The following ZNF236 variants were observed in gnomAD, a reference collection of about 807,000 sequenced individuals.
The protein encoded by ZNF236 is zinc finger protein 236.
Under a neutral mutation model 191.2 loss-of-function variants are expected in ZNF236, and 50 were observed. The ratio of observed to expected loss-of-function variants is 0.26; its 90% CI spans 0.21 to 0.33. The LOEUF is 0.33. Among genes scored for constraint, ZNF236 ranks in the 10% least tolerant of loss-of-function variants. ZNF236 has a pLI of 1.00. For missense variants in ZNF236, 1,754 were observed against 2,374.5 expected, an observed-to-expected ratio of 0.74 and a Z score of 5.43; for synonymous variants, 907 against 928.8, an observed-to-expected ratio of 0.98 and a Z score of 0.43.
chr18:76,935,516 T>A (rs975717291), intron 25 of ZNF236, among the ~76,000 whole-genome samples: 1 of 152,158 alleles, frequency 6.6e-6, no homozygotes, highest in Non-Finnish European at 1.5e-5. Flanking sequence ...GGGGAGAAGA[T>A]CTTTGGTTCC....
chr18:76,959,286 A>G (rs917359002), intron 28 of ZNF236, among the ~76,000 whole-genome samples: 2 of 152,178 alleles, frequency 1.3e-5, no homozygotes, highest in African/African-American at 4.8e-5. Flanking sequence ...GCCACGACAT[A>G]TGGGTGGACT....
chr18:76,862,818 T>A (rs920732253), intron 3 of ZNF236, among the ~76,000 whole-genome samples: 1 of 152,194 alleles, frequency 6.6e-6, no homozygotes, highest in East Asian at 1.9e-4. Flanking sequence ...CAAGAGCTGG[T>A]CCCACAGTTT....
intron 13 of ZNF236, among the ~76,000 whole-genome samples, 196 bp from the exon 14 acceptor site, chr18:76,908,124 T>C (rs561384311): frequency 6.6e-6 from 1 of 151,994 alleles, no homozygotes; most frequent in South Asian, 2.1e-4. Context: ...GTGGAAGCAC[T>C]TAAAGATAAG....
intron 26 of ZNF236, 72 bp downstream of exon 26, chr18:76,937,415 C>A: frequency 7.5e-7 from 1 of 1,339,872 alleles, no homozygotes; most frequent in Non-Finnish European, 9.9e-7. Context: ...TTCATTGACT[C>A]CTTCCTAAAT....
chr18:76,927,973 C>T lies in ZNF236; in HGVS notation c.4461C>T (p.Ser1487=). ...TGATGACTTCGCAAGGTCTAGTGTC[C>T]CCCTCCGGCGGTCCCCACGAGATCA... ...TQVMTSQGLV[S]PSGGPHEITL... is the part of the protein sequence containing the mutation. The change falls in exon 25 of 31, where the codon TCC becomes TCT. Residue 1487 remains serine, a synonymous_variant. Transcript: ENST00000320610. The surrounding 1 kb of genome is among the most constrained non-coding windows in gnomAD (Gnocchi z 5.4). 6.2e-7 allele frequency: 1 copy of T among 1,613,316 alleles called. No homozygotes were observed. Among genetic ancestry groups the T allele is most frequent in the Non-Finnish European group, 8.5e-7 (1 of 1,179,648 alleles).
rs756059735 is a variant in ZNF236 at position 76,849,579 on chromosome 18, A to G, written c.109A>G (p.Asn37Asp). 2.5e-6 allele frequency: 4 copies of G among 1,612,186 alleles called. No individual in the cohort carries two copies. Among genetic ancestry groups the G allele is most frequent in the African/African-American group, 2.7e-5 (2 of 74,834 alleles). The change falls in exon 2 of 31, where the codon AAC becomes GAC. Residue 37 changes from asparagine (N) to aspartate (D), a missense_variant. Physicochemically the swap from Asn to Asp is conservative, Grantham distance 23. Around this residue, in one of 5 missense-constraint regions of ZNF236, gnomAD observed 336 missense variants for 495.1 expected, o/e 0.68. Transcript: ENST00000320610. ...ENTNYAYQVP[N>D]FHKCEICLLS... is the part of the protein sequence containing the mutation. ...CACTAATTATGCCTATCAAGTTCCA[A>G]ACTTCCATAAATGTGAAATCTGTCT...
In ZNF236 at chr18:76,899,074, T is replaced by C; in HGVS notation, c.1746T>C (p.His582=). The change falls in exon 11 of 31, where the codon CAT becomes CAC. Residue 582 remains histidine (H), a synonymous_variant. Coordinates refer to ENST00000320610, the MANE Select transcript of ZNF236 (RefSeq NM_001306089.2). ...ACAAAAAATTTCGAACCTCAGGCCA[T>C]AGGAAGACTCACATTGCTTCCCACT... ...HCDKKFRTSG[H]RKTHIASHFK... 1 of 1,614,188 alleles carries C rather than the reference T, an allele frequency of 6.2e-7. No homozygotes were observed. The highest frequency in any genetic ancestry group is 1.3e-5 in the African/African-American group (1 of 75,056).
At chr18:76,896,863 T>C (rs1977435240) in intron 10 of ZNF236, among the ~76,000 whole-genome samples, 1 of 151,126 alleles carries the variant, frequency 6.6e-6, no homozygotes, top group Non-Finnish European at 1.5e-5. Context: ...TGCACACAGC[T>C]ACTGCACATA....
At chr18:76,860,125 C>A (rs750575899) in intron 3 of ZNF236, among the ~76,000 whole-genome samples, 1 of 151,964 alleles carries the variant, frequency 6.6e-6, no homozygotes. Context: ...GGAATGTTGG[C>A]GGGAGAGCTG....
At chr18:76,866,901 A>T (rs1976430879) in intron 3 of ZNF236, among the ~76,000 whole-genome samples, 1 of 151,910 alleles carries the variant, frequency 6.6e-6, no homozygotes, top group African/African-American at 2.4e-5. Flanking sequence ...GCCGTCTGTA[A>T]GCTGGCAGGT....
intron 1 of ZNF236, among the ~76,000 whole-genome samples, chr18:76,825,467 A>G (rs1229503784): frequency 1.3e-5 from 2 of 152,114 alleles, no homozygotes; most frequent in Admixed American, 1.3e-4. Flanking sequence ...GGCGGTGCCT[A>G]AGAGTGAGGC....
intron 18 of ZNF236, among the ~76,000 whole-genome samples, chr18:76,914,370 AT>A (rs1178271178): frequency 6.6e-6 from 1 of 152,202 alleles, no homozygotes; most frequent in Non-Finnish European, 1.5e-5. Flanking sequence ...ATTATGAGTA[AT>A]CCTGCTATGC....
Position 76,910,753 on chromosome 18 carries a change from C to G in ZNF236, c.2747C>G (p.Ser916Cys), listed in dbSNP as rs2122766212. ...DSSTLESQAL[S>C]TSFHQQSLLQ... ...AGCACACTTGAGTCTCAGGCCCTCT[C>G]CACAAGCTTCCACCAGCAGAGCTTG... is the stretch of plus-strand genomic sequence containing the variant. Residue 916 changes from serine (S) to cysteine (C), a missense_variant, in exon 16 of 31, where the codon TCC becomes TGC. This residue lies in a region of ZNF236 where 641 missense variants were observed against 869.6 expected (regional missense o/e 0.74). Transcript: ENST00000320610. 3.1e-6 allele frequency: 5 copies of G among 1,614,220 alleles called. No individual in the cohort carries two copies. The East Asian group carries it at 6.7e-5, about 22-fold the overall frequency.
In ZNF236 at chr18:76,968,307, G is replaced by A. The variant is rs943060447; in HGVS notation, c.5512G>A (p.Gly1838Ser). Residue 1838 changes from glycine (G) to serine (S), a missense_variant, in exon 31 of 31, where the codon GGC (glycine) becomes AGC (serine). Coordinates refer to ENST00000320610, the MANE Select transcript of ZNF236 (RefSeq NM_001306089.2). ...HLEEVVQEAA[G>S]EWQALTHVF ...GGAGGAGGTGGTGCAGGAGGCCGCC[G>A]GCGAGTGGCAGGCCCTCACCCACGT... 8 of 1,608,836 alleles carry A rather than the reference G, an allele frequency of 5.0e-6. No homozygotes were observed. Among genetic ancestry groups the A allele is most frequent in the African/African-American group, 1.3e-5 (1 of 74,646 alleles).
At chr18:76,873,795 T>C (rs1017063240) in intron 5 of ZNF236, among the ~76,000 whole-genome samples, 2 of 151,920 alleles carry the variant, frequency 1.3e-5, no homozygotes, top group Admixed American at 6.6e-5. Flanking sequence ...CCTGCCTGCC[T>C]GCCCTCCTCT....
At chr18:76,940,106 A>AACACGGTGGGCGACCCTAGCACTGCG (rs1568239908) in intron 26 of ZNF236, among the ~76,000 whole-genome samples, 1 of 126,728 alleles carries the variant, frequency 7.9e-6, no homozygotes, top group African/African-American at 3.2e-5. Flanking sequence ...CTAGCACTGC[A>AACACGGTGGGCGACCCTAGCACTGCG]TTTGGGAACA....
intron 1 of ZNF236, among the ~76,000 whole-genome samples, chr18:76,836,768 G>A (rs1012171967): frequency 5.3e-5 from 8 of 151,824 alleles, no homozygotes; most frequent in Non-Finnish European, 1.2e-4. Context: ...TAGTAGAGGC[G>A]GGGTTTCACC....
chr18:76,917,071 A>G (rs1308265168), intron 19 of ZNF236, among the ~76,000 whole-genome samples: 4 of 152,198 alleles, frequency 2.6e-5, no homozygotes, highest in Non-Finnish European at 4.4e-5. Flanking sequence ...CTGCGACTTA[A>G]CCATTGCCAG....
intron 6 of ZNF236, 108 bp from the exon 7 acceptor site, chr18:76,877,901 A>T: frequency 1.1e-6 from 1 of 889,052 alleles, no homozygotes; most frequent in Non-Finnish European, 1.6e-6. Context: ...GGGTTAGATT[A>T]TTTCTGTCAT....
Sources: allele counts gnomAD v4.1 joint callset (sites outside exome capture counted in the v4.1 genomes callset), GRCh38; gene constraint gnomAD v4.1.1; regional missense constraint gnomAD v4.1.1; non-coding constraint Gnocchi (gnomAD v3.1); transcripts MANE v1.5; gene names NCBI Gene and HGNC (gene_info 2026-07-23, HGNC 2026-07-21).